Variants in SCUBE1 observed in about 807,000 individuals in gnomAD.
The protein encoded by SCUBE1 is signal peptide, CUB and EGF-like domain-containing protein 1.
SCUBE1 carries 59 observed loss-of-function variants against 124.4 expected under a neutral mutation model. That is an observed-to-expected ratio of 0.47 (90% CI 0.38 to 0.59). The LOEUF (loss-of-function observed/expected upper bound fraction) is 0.59. Among genes scored for constraint, SCUBE1 ranks in the 20% least tolerant of loss-of-function variants. SCUBE1 has a pLI of 0.00. For missense variants in SCUBE1, 1,150 were observed against 1,371.2 expected, an observed-to-expected ratio of 0.84 and a Z score of 2.55; for synonymous variants, 545 against 550.9, an observed-to-expected ratio of 0.99 and a Z score of 0.15.
rs1384158270 is a variant in SCUBE1, at chr22:43,198,046, C to T, written c.*5951G>A. 1 of 154,664 alleles carries T rather than the reference C, an allele frequency of 6.5e-6. No homozygotes were observed. Among genetic ancestry groups the T allele is most frequent in the African/African-American group, 2.4e-5 (1 of 41,488 alleles). The allele number at this position is 154,664 out of a possible 1,614,324, so 9.6% of individuals were successfully genotyped here. ...GTTTGATTCCCAAATCCAGGGACTA[C>T]CAACTCTTTGCCTTGGGCATGTCCT... On this transcript the variant is annotated 3_prime_UTR_variant, in exon 22 of 22. Coordinates refer to ENST00000360835, the MANE Select transcript of SCUBE1 (RefSeq NM_173050.5).
At chr22:43,245,174 C>T (rs923505384) in intron 6 of SCUBE1, among the ~76,000 whole-genome samples, 2 of 152,242 alleles carry the variant, frequency 1.3e-5, no homozygotes, top group African/African-American at 4.8e-5. Context: ...CCCTGTGGCC[C>T]GTCACTAGTG....
At chr22:43,309,371 G>C (rs1315958571) in intron 3 of SCUBE1, among the ~76,000 whole-genome samples, 1 of 152,148 alleles carries the variant, frequency 6.6e-6, no homozygotes, top group Non-Finnish European at 1.5e-5. Context: ...ACTTGCTCAA[G>C]GTCACATAGT....
intron 3 of SCUBE1, among the ~76,000 whole-genome samples, chr22:43,302,379 G>A (rs562145654): frequency 3.2e-4 from 49 of 152,216 alleles, no homozygotes; most frequent in Non-Finnish European, 2.4e-4. Flanking sequence ...AGTGGAGAGG[G>A]AAGCGGTCTG....
intron 12 of SCUBE1, 68 bp from the exon 13 acceptor site, chr22:43,221,357 G>A: frequency 1.2e-6 from 1 of 851,860 alleles, no homozygotes; most frequent in Admixed American, 1.8e-5. Context: ...GGGGGACGGG[G>A]GCTGCCAGGG....
Position 43,198,379 on chromosome 22 carries a change from G to T in SCUBE1, c.*5618C>A. On this transcript the variant is annotated 3_prime_UTR_variant, in exon 22 of 22. Transcript: ENST00000360835. Reference sequence around the variant, plus strand: ...ACGCAGGCCATGCCTGTGTTGTCTGGGCTTCAAGGATGCTTTGCCCACACC... The same window carrying T: ...ACGCAGGCCATGCCTGTGTTGTCTGTGCTTCAAGGATGCTTTGCCCACACC... 2.7e-6 allele frequency: 1 copy of T among 371,652 alleles called. No individual in the cohort carries two copies. The highest frequency in any genetic ancestry group is 2.0e-5 in the South Asian group (1 of 50,088). 23.0% of individuals were successfully genotyped at this position (371,652 alleles called of 1,614,324 possible). A position where few individuals can be genotyped will look rare whatever the true frequency, so the allele number is the denominator to read the frequency against.
chr22:43,222,842 C>T (rs1232727973), intron 11 of SCUBE1, 100 bp from the exon 12 acceptor site: 8 of 1,055,384 alleles, frequency 7.6e-6, no homozygotes, highest in Admixed American at 2.2e-5. Context: ...AGACGAAGAT[C>T]AGGACAGATT....
At chr22:43,317,301 T>C (rs1480596348) in intron 3 of SCUBE1, among the ~76,000 whole-genome samples, 2 of 152,206 alleles carry the variant, frequency 1.3e-5, no homozygotes, top group African/African-American at 4.8e-5. Flanking sequence ...CTTCACACTG[T>C]CACCTCATCC....
chr22:43,339,922 A>C (rs114680842), intron 1 of SCUBE1, among the ~76,000 whole-genome samples: 134 of 2,606 alleles, frequency 0.051, no homozygotes, highest in South Asian at 0.079. Context: ...CTACCCCCCC[A>C]ACAAGCATAG....
chr22:43,206,331 G>C (rs1000434087), intron 21 of SCUBE1, among the ~76,000 whole-genome samples: 1 of 149,138 alleles, frequency 6.7e-6, no homozygotes, highest in Non-Finnish European at 1.5e-5. Context: ...CACACACACT[G>C]AACACCTCCA....
intron 10 of SCUBE1, 125 bp downstream of exon 10, chr22:43,227,249 G>C: frequency 8.8e-7 from 1 of 1,135,156 alleles, no homozygotes; most frequent in Non-Finnish European, 1.2e-6. Flanking sequence ...ACCTCTGCCT[G>C]GGAATGCAAG....
intron 10 of SCUBE1, 59 bp downstream of exon 10, chr22:43,227,315 T>C (rs1601811383): frequency 6.4e-7 from 1 of 1,560,406 alleles, no homozygotes; most frequent in Non-Finnish European, 8.7e-7. Flanking sequence ...AAAGCCACTG[T>C]CCCTCCCATC....
At chr22:43,277,162 G>A (rs963276641) in intron 4 of SCUBE1, among the ~76,000 whole-genome samples, 3 of 152,126 alleles carry the variant, frequency 2.0e-5, no homozygotes, top group South Asian at 2.1e-4. Flanking sequence ...CTCAGTGAGC[G>A]ATGGTCAGTC....
At chr22:43,274,957 T>C (rs1924443324) in intron 4 of SCUBE1, among the ~76,000 whole-genome samples, 2 of 152,158 alleles carry the variant, frequency 1.3e-5, no homozygotes, top group Admixed American at 1.3e-4. Context: ...GTACAGCCAC[T>C]TTGGGGACAT....
chr22:43,313,757 A>T (rs1926248832), intron 3 of SCUBE1, among the ~76,000 whole-genome samples: 1 of 152,252 alleles, frequency 6.6e-6, no homozygotes. Context: ...CCTCCAGGAC[A>T]CAGTCACAGG....
chr22:43,313,588 A>G (rs1178548878), intron 3 of SCUBE1, among the ~76,000 whole-genome samples: 1 of 152,234 alleles, frequency 6.6e-6, no homozygotes, highest in Non-Finnish European at 1.5e-5. Flanking sequence ...CTGCTATTTC[A>G]AGTAATTACA....
intron 20 of SCUBE1, among the ~76,000 whole-genome samples, chr22:43,207,856 T>A (rs2146651014): frequency 6.6e-6 from 1 of 152,330 alleles, no homozygotes; most frequent in South Asian, 2.1e-4. Context: ...GCACCTCAGC[T>A]GAAGCCTGCA....
At position 43,198,114 on chromosome 22, in the gene SCUBE1, T is replaced by G. The variant is rs1920954517; in HGVS notation, c.*5883A>C. The G allele has an allele frequency of 5.4e-6, 1 of 185,036 alleles. No individual in the cohort carries two copies. Among genetic ancestry groups the G allele is most frequent in the Admixed American group, 5.5e-5 (1 of 18,266 alleles). 11.5% of individuals were successfully genotyped at this position (185,036 alleles called of 1,614,324 possible). A position where few individuals can be genotyped will look rare whatever the true frequency, so the allele number is the denominator to read the frequency against. On this transcript the variant is annotated 3_prime_UTR_variant, in exon 22 of 22. Transcript: ENST00000360835. ...TCATTTCCACATCTGAAGAATGGTC[T>G]TAACCCCACCATCTACATGGGGCTG... is the stretch of plus-strand genomic sequence containing the variant.
chr22:43,305,166 C>T (rs1046596896), intron 3 of SCUBE1, among the ~76,000 whole-genome samples: 3 of 152,174 alleles, frequency 2.0e-5, no homozygotes, highest in African/African-American at 7.2e-5. Flanking sequence ...GCACATAAAC[C>T]TCAATGGGTG....
chr22:43,290,341 G>T (rs570376286), intron 4 of SCUBE1, among the ~76,000 whole-genome samples: 2 of 152,114 alleles, frequency 1.3e-5, no homozygotes, highest in African/African-American at 4.8e-5. Flanking sequence ...AAGCACATGT[G>T]TCCTGGCTTT....
Sources: gnomAD v4.1 joint callset for allele counts (sites outside exome capture counted in the v4.1 genomes callset) on GRCh38, gnomAD v4.1.1 for gene constraint, MANE v1.5 for transcripts, NCBI Gene and HGNC (gene_info 2026-07-23, HGNC 2026-07-21) for gene names.